The following BCR variants were observed in gnomAD, a reference collection of about 807,000 sequenced individuals.
The protein encoded by BCR is BCR activator of RhoGEF and GTPase.
BCR carries 58 observed loss-of-function variants against 138.6 expected under a neutral mutation model. The observed-to-expected ratio is 0.42, with a 90% CI of 0.34 to 0.52. The LOEUF (loss-of-function observed/expected upper bound fraction) is 0.52, where lower values mean the gene tolerates loss of function less well. Ranked by LOEUF, BCR falls within the 20% of genes least tolerant of loss-of-function variation. The probability of loss-of-function intolerance (pLI) is 0.06; values close to 1 mark genes in which losing one functional copy is unlikely to be tolerated. For synonymous variants in BCR, 786 were observed against 730.1 expected (o/e 1.08, Z -1.23); for missense variants, 1,599 against 1,727.2 (o/e 0.93, Z 1.32).
At chr22:23,243,451 G>A (rs1196924345) in intron 1 of BCR, among the ~76,000 whole-genome samples, 1 of 152,152 alleles carries the variant, frequency 6.6e-6, no homozygotes, top group African/African-American at 2.4e-5. Context: ...TACACAGTGA[G>A]GTTCAGAGAG....
intron 1 of BCR, among the ~76,000 whole-genome samples, chr22:23,220,608 A>G (rs1186766930): frequency 6.6e-6 from 1 of 152,114 alleles, no homozygotes; most frequent in East Asian, 1.9e-4. Flanking sequence ...CCCACTTGCA[A>G]GCTCAGCTCA....
chr22:23,289,752 C>T (rs1241244601), intron 13 of BCR, 131 bp downstream of exon 13: 9 of 780,138 alleles, frequency 1.2e-5, no homozygotes, highest in Middle Eastern at 2.5e-4. Flanking sequence ...AAGAGCTATG[C>T]TTGTTAGGGC....
At chr22:23,200,546 C>CTTT (rs749227273) in intron 1 of BCR, among the ~76,000 whole-genome samples, 139 of 151,654 alleles carry the variant, frequency 9.2e-4, no homozygotes, top group Middle Eastern at 3.4e-3. Context: ...AGGACTTTAA[C>CTTT]TTTTTTTTAA....
chr22:23,200,126 A>G (rs1037337064), intron 1 of BCR, among the ~76,000 whole-genome samples: 1 of 151,762 alleles, frequency 6.6e-6, no homozygotes, highest in Admixed American at 6.6e-5. Context: ...ATGACAGGGC[A>G]TGATACTGAC....
At chr22:23,191,398 C>T (rs1756446805) in intron 1 of BCR, among the ~76,000 whole-genome samples, 1 of 152,230 alleles carries the variant, frequency 6.6e-6, no homozygotes, top group African/African-American at 2.4e-5. Context: ...GAAATCCTTT[C>T]TTCCTTATTC....
intron 1 of BCR, among the ~76,000 whole-genome samples, chr22:23,198,974 T>A (rs539109981): frequency 3.3e-5 from 5 of 151,904 alleles, no homozygotes; most frequent in Non-Finnish European, 5.9e-5. Flanking sequence ...ACACAAAAAT[T>A]AGCTGGACGT....
intron 4 of BCR, among the ~76,000 whole-genome samples, chr22:23,265,975 T>C (rs2073436411): frequency 6.6e-6 from 1 of 152,228 alleles, no homozygotes; most frequent in Non-Finnish European, 1.5e-5. Flanking sequence ...ATTCTCTGAT[T>C]CAGGACCCGG....
chr22:23,259,801 G>A (rs1013904844), intron 2 of BCR, among the ~76,000 whole-genome samples: 9 of 152,140 alleles, frequency 5.9e-5, no homozygotes, highest in African/African-American at 1.9e-4. Flanking sequence ...GATTACAGGC[G>A]TGAGACATTG....
intron 4 of BCR, chr22:23,263,133 G>A (rs1043480657): frequency 7.0e-6 from 5 of 713,548 alleles, no homozygotes; most frequent in Non-Finnish European, 1.1e-5. Context: ...GACAGGGGCG[G>A]CCATGGCGGC....
intron 1 of BCR, among the ~76,000 whole-genome samples, chr22:23,219,716 C>G (rs9624061): frequency 6.6e-6 from 1 of 152,142 alleles, no homozygotes; most frequent in Non-Finnish European, 1.5e-5. Flanking sequence ...CTTCCTGCAC[C>G]CCCTCTCCTT....
chr22:23,305,279 C>T (rs2073945299), intron 16 of BCR, among the ~76,000 whole-genome samples: 1 of 152,132 alleles, frequency 6.6e-6, no homozygotes, highest in Non-Finnish European at 1.5e-5. Context: ...CACATGGGGC[C>T]CAGACAGGAA....
rs527435861 is a variant in BCR, at chr22:23,183,469, T to C, written c.1279+1230T>C. ...GTTAGGTACTTCCAGTTACTGATCTTCCATTTGCAGCTGGGGTTTCCTGTG... is the reference window on the plus strand; with the variant it reads ...GTTAGGTACTTCCAGTTACTGATCTCCCATTTGCAGCTGGGGTTTCCTGTG... On this transcript the variant is annotated intron_variant, in intron 1 of 22. Coordinates refer to ENST00000305877, the MANE Select transcript of BCR (RefSeq NM_004327.4). Among the ~76,000 whole-genome samples, 5 of 152,370 alleles carry C rather than the reference T, an allele frequency of 3.3e-5. No homozygotes were observed. In the South Asian group the frequency reaches 1.0e-3, roughly 32 times the overall value.
intron 6 of BCR, 134 bp from the exon 7 acceptor site, chr22:23,272,947 A>G: frequency 1.1e-6 from 1 of 900,360 alleles, no homozygotes. Context: ...TGCCCTTGTC[A>G]CTGCGCAGAG....
chr22:23,197,453 C>A (rs916521747), intron 1 of BCR, among the ~76,000 whole-genome samples: 2 of 152,062 alleles, frequency 1.3e-5, no homozygotes, highest in Non-Finnish European at 2.9e-5. Context: ...TTATATTATT[C>A]TTATTGTTGG....
chr22:23,204,925 G>A (rs768664582), intron 1 of BCR, among the ~76,000 whole-genome samples: 13 of 152,182 alleles, frequency 8.5e-5, no homozygotes, highest in African/African-American at 1.9e-4. Flanking sequence ...GCACAGCCCC[G>A]CTTGGTCAGG....
intron 2 of BCR, among the ~76,000 whole-genome samples, chr22:23,257,999 C>CTAGG (rs1414025666): frequency 2.6e-5 from 4 of 152,140 alleles, no homozygotes; most frequent in African/African-American, 9.7e-5. Flanking sequence ...TCAGGCACAG[C>CTAGG]CGTGGCCTGG....
chr22:23,237,678 T>G (rs1252627484), intron 1 of BCR, among the ~76,000 whole-genome samples: 4 of 152,204 alleles, frequency 2.6e-5, no homozygotes, highest in Non-Finnish European at 5.9e-5. Flanking sequence ...TGGTGGCCTT[T>G]GCAGTGGGTC....
intron 15 of BCR, among the ~76,000 whole-genome samples, chr22:23,293,866 C>T (rs1427521671): frequency 6.6e-6 from 1 of 152,070 alleles, no homozygotes; most frequent in Admixed American, 6.5e-5. Context: ...CCCGCACCCT[C>T]CTCCATTTCC....
At chr22:23,204,042 G>A (rs2072584374) in intron 1 of BCR, among the ~76,000 whole-genome samples, 2 of 152,202 alleles carry the variant, frequency 1.3e-5, no homozygotes, top group Admixed American at 6.5e-5. Context: ...GCAGATAATG[G>A]TGAGACCACG....
Sources: gnomAD v4.1 joint callset for allele counts (sites outside exome capture counted in the v4.1 genomes callset) on GRCh38, gnomAD v4.1.1 for gene constraint, MANE v1.5 for transcripts, NCBI Gene and HGNC (gene_info 2026-07-23, HGNC 2026-07-21) for gene names.